Variants in PPHLN1 observed in about 807,000 individuals in gnomAD.
The protein encoded by PPHLN1 is periphilin-1.
In PPHLN1, 29 loss-of-function variants were observed where a neutral mutation model predicts 51.3. The ratio of observed to expected loss-of-function variants is 0.57; its 90% confidence interval spans 0.42 to 0.77. PPHLN1 has a LOEUF of 0.77. PPHLN1 is among the 30% of genes least tolerant of loss of function. The pLI is 0.00. For synonymous variants in PPHLN1, 147 were observed against 147.8 expected (o/e 0.99, Z 0.04); for missense variants, 436 against 438.4 (o/e 0.99, Z 0.05).
intron 2 of PPHLN1, among the ~76,000 whole-genome samples, chr12:42,348,507 T>G (rs118031702): frequency 0.014 from 2,107 of 152,170 alleles, 26 homozygotes; most frequent in Non-Finnish European, 0.022. Flanking sequence ...TGATTTGAAT[T>G]TTACTTCTGC....
intron 9 of PPHLN1, among the ~76,000 whole-genome samples, chr12:42,406,886 A>G (rs2079363507): frequency 6.6e-6 from 1 of 152,136 alleles, no homozygotes; most frequent in Non-Finnish European, 1.5e-5. Flanking sequence ...TATTGTTTGT[A>G]TCAAATATAG....
At chr12:42,385,608 A>G (rs980752752) in intron 6 of PPHLN1, among the ~76,000 whole-genome samples, 5 of 152,206 alleles carry the variant, frequency 3.3e-5, no homozygotes, top group Admixed American at 1.3e-4. Flanking sequence ...GATAAGTGCT[A>G]AAGAATTGAG....
intron 2 of PPHLN1, chr12:42,350,230 C>T (rs1213196120): frequency 6.6e-6 from 1 of 151,140 alleles, no homozygotes; most frequent in Non-Finnish European, 1.4e-5. Flanking sequence ...GGCAGAGGCG[C>T]TCCTCACCTC....
intron 8 of PPHLN1, among the ~76,000 whole-genome samples, chr12:42,396,732 G>T (rs1386079932): frequency 6.7e-6 from 1 of 149,146 alleles, no homozygotes; most frequent in Non-Finnish European, 1.5e-5. Context: ...GAAGTTTGCA[G>T]TGAGCTGTGA....
chr12:42,431,897 C>A, intron 9 of PPHLN1: 7 of 1,594,996 alleles, frequency 4.4e-6, no homozygotes, highest in Non-Finnish European at 6.0e-6. Flanking sequence ...ATCAGAACAG[C>A]ATCTTCATCA....
intron 7 of PPHLN1, among the ~76,000 whole-genome samples, chr12:42,389,173 C>T (rs1161840845): frequency 6.6e-6 from 1 of 151,816 alleles, no homozygotes; most frequent in African/African-American, 2.4e-5. Flanking sequence ...GAGATCGAGA[C>T]CATCCTGGCC....
At chr12:42,439,858 T>G (rs1027908253) in intron 9 of PPHLN1, among the ~76,000 whole-genome samples, 2 of 152,140 alleles carry the variant, frequency 1.3e-5, no homozygotes, top group Admixed American at 6.5e-5. Flanking sequence ...TCTTTTGACT[T>G]TTTTCCTTTT....
chr12:42,426,724 C>T (rs1291135408), intron 9 of PPHLN1, among the ~76,000 whole-genome samples: 1 of 152,202 alleles, frequency 6.6e-6, no homozygotes, highest in African/African-American at 2.4e-5. Context: ...TAGGATTCCT[C>T]CCCATTCTCC....
intron 9 of PPHLN1, among the ~76,000 whole-genome samples, chr12:42,414,093 A>G (rs184345475): frequency 1.5e-3 from 223 of 151,528 alleles, no homozygotes; most frequent in African/African-American, 5.0e-3. Flanking sequence ...CTGGAGTTCA[A>G]TGGCACCATC....
At chr12:42,430,495 G>GTTTT (rs2081948394) in intron 9 of PPHLN1, among the ~76,000 whole-genome samples, 3 of 152,238 alleles carry the variant, frequency 2.0e-5, no homozygotes, top group South Asian at 4.1e-4. Flanking sequence ...TTCTTTTTTT[G>GTTTT]GTTTTGTTTT....
chr12:42,398,824 ATAAT>A (rs1159155721), intron 8 of PPHLN1, 26 bp from the exon 9 acceptor site: 2 of 1,606,052 alleles, frequency 1.2e-6, no homozygotes, highest in East Asian at 4.5e-5. Flanking sequence ...TTTTAAGAAA[ATAAT>A]TAAAGATTTC....
At chr12:42,391,647 T>C (rs1414138943) in intron 7 of PPHLN1, among the ~76,000 whole-genome samples, 1 of 152,176 alleles carries the variant, frequency 6.6e-6, no homozygotes, top group African/African-American at 2.4e-5. Flanking sequence ...ACAACTTTCT[T>C]GGATATATTT....
In PPHLN1 at chr12:42,370,033, A is replaced by G. The variant is rs186829381; in HGVS notation, c.300-4830A>G. On this transcript the variant is annotated intron_variant, in intron 4 of 9. Coordinates refer to ENST00000358314, the MANE Select transcript of PPHLN1 (RefSeq NM_201439.2). ...GGCATGGCCAGGCCTTACTTTCATCACTGGGAATTGTTTTGCCGTTATCAT... is the reference window on the plus strand; with the variant it reads ...GGCATGGCCAGGCCTTACTTTCATCGCTGGGAATTGTTTTGCCGTTATCAT... 1.4e-3 allele frequency among the ~76,000 whole-genome samples: 208 copies of G among 152,264 alleles called. 3 individuals carry two copies. The highest frequency in any genetic ancestry group is 3.4e-3 in the Middle Eastern group (1 of 294).
At chr12:42,438,498 T>C (rs1365138186) in intron 9 of PPHLN1, among the ~76,000 whole-genome samples, 2 of 152,248 alleles carry the variant, frequency 1.3e-5, no homozygotes, top group African/African-American at 2.4e-5. Flanking sequence ...TTGAACAATT[T>C]TTCATATGTT....
intron 3 of PPHLN1, among the ~76,000 whole-genome samples, chr12:42,354,017 T>A (rs2073737028): frequency 6.6e-6 from 1 of 152,330 alleles, no homozygotes; most frequent in Admixed American, 6.5e-5. Flanking sequence ...AGTTATGTAA[T>A]GCAGATTACT....
intron 7 of PPHLN1, among the ~76,000 whole-genome samples, chr12:42,389,209 A>G (rs935777627): frequency 4.0e-5 from 6 of 151,876 alleles, no homozygotes; most frequent in South Asian, 2.1e-4. Context: ...CGTCTCTACT[A>G]AAAATACAAA....
At chr12:42,333,829 A>G (rs2070183636) in intron 1 of PPHLN1, among the ~76,000 whole-genome samples, 1 of 152,146 alleles carries the variant, frequency 6.6e-6, no homozygotes, top group African/African-American at 2.4e-5. Context: ...TAATCTCATC[A>G]CTGCAGTTGG....
chr12:42,433,106 A>G lies in PPHLN1; in HGVS notation c.910-8209A>G, dbSNP rs1018907283. The G allele has an allele frequency of 9.0e-6, 7 of 779,654 alleles. No homozygotes were observed. The Admixed American group carries it at 1.2e-4, about 13-fold the overall frequency. 48.3% of individuals were successfully genotyped at this position (779,654 alleles called of 1,614,324 possible). On this transcript the variant is annotated intron_variant, in intron 9 of 9. Coordinates refer to ENST00000358314, the MANE Select transcript of PPHLN1 (RefSeq NM_201439.2). ...TTTTATTGACAGGCCAAAGTTGTTC[A>G]AATGTGACTATTTCATTGTAAGTAG...
intron 2 of PPHLN1, among the ~76,000 whole-genome samples, chr12:42,347,669 A>G (rs902498026): frequency 1.6e-4 from 24 of 151,990 alleles, no homozygotes; most frequent in Admixed American, 1.2e-3. Context: ...AATCCCAACT[A>G]CTCGGGAGGC....
Sources: gnomAD v4.1 joint callset for allele counts (sites outside exome capture counted in the v4.1 genomes callset) on GRCh38, gnomAD v4.1.1 for gene constraint, MANE v1.5 for transcripts, NCBI Gene and HGNC (gene_info 2026-07-23, HGNC 2026-07-21) for gene names.